ATP11A: variants seen among roughly 807,000 people sequenced by gnomAD.
The protein encoded by ATP11A is phospholipid-transporting ATPase IH.
In ATP11A, 81 loss-of-function variants were observed where a neutral mutation model predicts 154.4. That is an observed-to-expected ratio of 0.52 (90% confidence interval 0.44 to 0.63). The LOEUF (loss-of-function observed/expected upper bound fraction) is 0.63, where lower values mean the gene tolerates loss of function less well. ATP11A is among the 30% of genes least tolerant of loss of function. ATP11A has a pLI of 0.00. For missense variants in ATP11A, 1,316 were observed against 1,474.3 expected, an observed-to-expected ratio of 0.89 and a Z score of 1.76; for synonymous variants, 623 against 585.9, an observed-to-expected ratio of 1.06 and a Z score of -0.91.
chr13:112,867,626 T>G (rs2080379316), intron 25 of ATP11A, among the ~76,000 whole-genome samples: 1 of 152,230 alleles, frequency 6.6e-6, no homozygotes, highest in Non-Finnish European at 1.5e-5. Context: ...GCACTGTGGC[T>G]CTGCTGCCTT....
chr13:112,765,148 C>T (rs980154113), intron 1 of ATP11A, among the ~76,000 whole-genome samples: 2 of 25,220 alleles, frequency 7.9e-5, no homozygotes, highest in East Asian at 1.3e-3. Context: ...GGCTTGCCCC[C>T]CCTCCCCCCC....
At chr13:112,760,217 C>T (rs772212155) in intron 1 of ATP11A, among the ~76,000 whole-genome samples, 3 of 152,218 alleles carry the variant, frequency 2.0e-5, no homozygotes, top group Non-Finnish European at 4.4e-5. Flanking sequence ...TTGTTTTTCT[C>T]TAATTATTCA....
rs770986541 is a variant in ATP11A at position 112,807,465 on chromosome 13, C to T, written c.333+1172C>T. 2.6e-5 allele frequency among the ~76,000 whole-genome samples: 4 copies of T among 152,292 alleles called. No individual in the cohort carries two copies. Among genetic ancestry groups the T allele is most frequent in the South Asian group, 2.1e-4 (1 of 4,822 alleles). On this transcript the variant is annotated intron_variant, in intron 4 of 29. Coordinates refer to ENST00000375645, the MANE Select transcript of ATP11A (RefSeq NM_015205.3). This position sits in a 1 kb window ranked among gnomAD's most constrained non-coding sequence, Gnocchi z 4.5. ...TGCATGGCAGAACACAGCACAGTAA[C>T]GAAACGAACTGTGCTGCCTGGAGAA... is the stretch of plus-strand genomic sequence containing the variant.
chr13:112,860,443 G>A (rs1349212783), intron 24 of ATP11A, 29 bp downstream of exon 24: 1 of 1,612,798 alleles, frequency 6.2e-7, no homozygotes, highest in Non-Finnish European at 8.5e-7. Context: ...CCTCTCCTGA[G>A]AGCAGAGAGA....
intron 1 of ATP11A, among the ~76,000 whole-genome samples, chr13:112,779,356 C>CGCTGGAGTGAGGAGTAGCT (rs2077440806): frequency 2.2e-5 from 3 of 138,370 alleles, no homozygotes; most frequent in Non-Finnish European, 3.0e-5. Flanking sequence ...AGTGAGTAGC[C>CGCTGGAGTGAGGAGTAGCT]GCTGGAGTGA....
rs1373377454 is a variant in ATP11A at position 112,882,683 on chromosome 13, C to T, written c.*817C>T. On this transcript the variant is annotated 3_prime_UTR_variant, in exon 30 of 30. Coordinates refer to ENST00000375645, the MANE Select transcript of ATP11A (RefSeq NM_015205.3). This position sits in a 1 kb window ranked among gnomAD's most constrained non-coding sequence, Gnocchi z 5.1. ...AGTGCCACGTGGGAGGACAAGGCCA[C>T]GCCGGCAGCTTCCAGCCCTGCCGCA... 7.5e-6 allele frequency: 3 copies of T among 399,864 alleles called. No individual in the cohort carries two copies. The highest frequency in any genetic ancestry group is 3.6e-5 in the East Asian group (1 of 28,094). 24.8% of individuals were successfully genotyped at this position (399,864 alleles called of 1,614,324 possible). A position where few individuals can be genotyped will look rare whatever the true frequency, so the allele number is the denominator to read the frequency against.
At chr13:112,822,222 A>G (rs1439422816) in intron 8 of ATP11A, among the ~76,000 whole-genome samples, 1 of 152,204 alleles carries the variant, frequency 6.6e-6, no homozygotes, top group Non-Finnish European at 1.5e-5. Flanking sequence ...ATACATTTGA[A>G]TCTTGCTGCT....
At chr13:112,726,276 C>T (rs1253482157) in intron 1 of ATP11A, among the ~76,000 whole-genome samples, 1 of 147,068 alleles carries the variant, frequency 6.8e-6, no homozygotes, top group African/African-American at 2.6e-5. Flanking sequence ...GGCCAGAGGG[C>T]ACAGTCTGTG....
chr13:112,846,306 G>A (rs1487713301), intron 17 of ATP11A, among the ~76,000 whole-genome samples: 5 of 152,068 alleles, frequency 3.3e-5, no homozygotes, highest in African/African-American at 1.2e-4. Context: ...TTGTCTCACC[G>A]CTTACAAAGG....
At chr13:112,833,652 A>C (rs897277735) in intron 14 of ATP11A, among the ~76,000 whole-genome samples, 1 of 152,152 alleles carries the variant, frequency 6.6e-6, no homozygotes, top group Non-Finnish European at 1.5e-5. Flanking sequence ...CATTACAGCC[A>C]TGTTTTTGTC....
At chr13:112,789,586 C>T (rs1438609973) in intron 2 of ATP11A, among the ~76,000 whole-genome samples, 7 of 134,362 alleles carry the variant, frequency 5.2e-5, no homozygotes, top group African/African-American at 2.3e-4. Context: ...ACACCGGTGT[C>T]CTGACGCGTA....
intron 5 of ATP11A, 30 bp from the exon 6 acceptor site, chr13:112,816,053 A>G: frequency 6.2e-7 from 1 of 1,613,474 alleles, no homozygotes; most frequent in Non-Finnish European, 8.5e-7. Flanking sequence ...GGGGCTTTCC[A>G]TTGACCATCC....
intron 1 of ATP11A, among the ~76,000 whole-genome samples, chr13:112,694,689 C>T (rs1157089825): frequency 6.6e-6 from 1 of 152,090 alleles, no homozygotes; most frequent in Non-Finnish European, 1.5e-5. Context: ...CCCAGATATT[C>T]CTTGTTAGTT....
intron 1 of ATP11A, among the ~76,000 whole-genome samples, chr13:112,740,534 C>T (rs1891444608): frequency 6.6e-6 from 1 of 152,084 alleles, no homozygotes; most frequent in South Asian, 2.1e-4. Context: ...AGGGTAGGAA[C>T]GTTTTACTCT....
chr13:112,710,544 G>C (rs1887615889), intron 1 of ATP11A, among the ~76,000 whole-genome samples: 1 of 152,244 alleles, frequency 6.6e-6, no homozygotes, highest in African/African-American at 2.4e-5. Flanking sequence ...GAGCCTGCGG[G>C]AGAAGACAGG....
intron 23 of ATP11A, 119 bp from the exon 24 acceptor site, chr13:112,860,168 C>A: frequency 1.4e-5 from 17 of 1,191,082 alleles, no homozygotes; most frequent in South Asian, 3.2e-5. Flanking sequence ...TATTGTTAAG[C>A]TTTGAAAAGC....
At chr13:112,853,466 A>G (rs775832338) in intron 18 of ATP11A, among the ~76,000 whole-genome samples, 13 of 152,186 alleles carry the variant, frequency 8.5e-5, no homozygotes, top group African/African-American at 1.7e-4. Flanking sequence ...TTCTAGAAGC[A>G]TGGCACGTTA....
chr13:112,755,252 G>A (rs2076792496), intron 1 of ATP11A, among the ~76,000 whole-genome samples: 1 of 152,112 alleles, frequency 6.6e-6, no homozygotes, highest in South Asian at 2.1e-4. Flanking sequence ...CGGGTCTGTG[G>A]GCCTCTGCTT....
intron 1 of ATP11A, among the ~76,000 whole-genome samples, chr13:112,762,700 G>A (rs377971): frequency 0.24 from 35,967 of 152,106 alleles, 6,210 homozygotes; most frequent in African/African-American, 0.49. Flanking sequence ...TCATGAGCTC[G>A]AAACCCAGTT....
Sources: gnomAD v4.1 joint callset for allele counts (sites outside exome capture counted in the v4.1 genomes callset) on GRCh38, gnomAD v4.1.1 for gene constraint, Gnocchi (gnomAD v3.1) non-coding constraint, MANE v1.5 for transcripts, NCBI Gene and HGNC (gene_info 2026-07-23, HGNC 2026-07-21) for gene names.